PTN: variants seen among roughly 807,000 people sequenced by gnomAD.
PTN encodes pleiotrophin, also known as heparin affin regulatory protein.
A neutral mutation model predicts 24.1 loss-of-function variants in PTN; 18 were observed. That is an observed-to-expected ratio of 0.75 (90% CI 0.52 to 1.11). PTN has a LOEUF of 1.11. Ranked by LOEUF, PTN falls within the 50% of genes least tolerant of loss-of-function variation. The probability of loss-of-function intolerance (pLI) is 0.00; values close to 1 mark genes in which losing one functional copy is unlikely to be tolerated. For missense variants in PTN, 163 were observed against 198.8 expected (o/e 0.82, Z 1.08); for synonymous variants, 78 against 68.6 (o/e 1.14, Z -0.67).
chr7:137,293,321 A>C (rs530599277), intron 1 of PTN, among the ~76,000 whole-genome samples: 1 of 152,252 alleles, frequency 6.6e-6, no homozygotes, highest in East Asian at 1.9e-4. Flanking sequence ...CAGGTGATTG[A>C]AGCTAGTGTG....
chr7:137,301,783 T>C (rs1402038080), intron 1 of PTN, among the ~76,000 whole-genome samples: 4 of 151,940 alleles, frequency 2.6e-5, no homozygotes, highest in Non-Finnish European at 5.9e-5. Flanking sequence ...AAAAGCATGT[T>C]TTATCCTGTT....
At chr7:137,287,405 T>C (rs1809574191) in intron 1 of PTN, among the ~76,000 whole-genome samples, 1 of 152,158 alleles carries the variant, frequency 6.6e-6, no homozygotes, top group South Asian at 2.1e-4. Flanking sequence ...GGAGTTCCTT[T>C]CTGCTTAGGG....
intron 1 of PTN, among the ~76,000 whole-genome samples, chr7:137,317,301 G>A (rs181919015): frequency 1.3e-5 from 2 of 152,138 alleles, no homozygotes; most frequent in African/African-American, 4.8e-5. Flanking sequence ...ATCAGAATAT[G>A]ATTTTTAGGT....
chr7:137,303,083 T>C (rs190223639), intron 1 of PTN, among the ~76,000 whole-genome samples: 1 of 152,156 alleles, frequency 6.6e-6, no homozygotes, highest in East Asian at 1.9e-4. Context: ...CACTGTATTT[T>C]TCATTGTTGC....
At chr7:137,316,499 G>A (rs1262831613) in intron 1 of PTN, among the ~76,000 whole-genome samples, 1 of 152,170 alleles carries the variant, frequency 6.6e-6, no homozygotes, top group African/African-American at 2.4e-5. Context: ...TCTGTCAAGT[G>A]GTGTAATGGA....
intron 1 of PTN, among the ~76,000 whole-genome samples, chr7:137,269,017 C>A (rs921300909): frequency 2.6e-5 from 4 of 152,136 alleles, no homozygotes; most frequent in Non-Finnish European, 4.4e-5. Flanking sequence ...TTCAGAAATT[C>A]TTGAATTGGC....
intron 1 of PTN, among the ~76,000 whole-genome samples, chr7:137,298,759 C>CAGG (rs1675925902): frequency 6.6e-6 from 1 of 151,992 alleles, no homozygotes; most frequent in Non-Finnish European, 1.5e-5. Context: ...TTAGGGTTTC[C>CAGG]TGCCAGGAAT....
At chr7:137,249,921 T>C (rs775824940) in intron 4 of PTN, among the ~76,000 whole-genome samples, 5 of 152,162 alleles carry the variant, frequency 3.3e-5, no homozygotes, top group Non-Finnish European at 5.9e-5. Context: ...ACTCCAGCAG[T>C]GGCCAAAAAG....
intron 4 of PTN, among the ~76,000 whole-genome samples, chr7:137,244,544 C>T (rs1316141265): frequency 2.0e-5 from 3 of 151,642 alleles, no homozygotes; most frequent in African/African-American, 7.3e-5. Flanking sequence ...TCCCACCCCA[C>T]AACAAGCCCC....
intron 1 of PTN, among the ~76,000 whole-genome samples, chr7:137,303,751 A>C (rs1037524177): frequency 3.3e-5 from 5 of 152,054 alleles, no homozygotes; most frequent in Admixed American, 1.3e-4. Flanking sequence ...TAATTCGTTG[A>C]CTATTTCTAT....
chr7:137,250,772 C>G (rs1420821368), intron 4 of PTN, among the ~76,000 whole-genome samples: 1 of 152,080 alleles, frequency 6.6e-6, no homozygotes, highest in African/African-American at 2.4e-5. Context: ...AATGCAGAAC[C>G]CATTAAGTTA....
chr7:137,291,466 C>A (rs1159811887), intron 1 of PTN, among the ~76,000 whole-genome samples: 1 of 152,038 alleles, frequency 6.6e-6, no homozygotes, highest in African/African-American at 2.4e-5. Flanking sequence ...AAATGTAGAG[C>A]AAGGCTCACA....
At chr7:137,278,306 C>CAAAAAAAAAA (rs71176391) in intron 1 of PTN, among the ~76,000 whole-genome samples, 41 of 62,848 alleles carry the variant, frequency 6.5e-4, no homozygotes, top group South Asian at 2.6e-3. Context: ...GACTCCGTCT[C>CAAAAAAAAAA]AAAAAAAAAA....
At chr7:137,301,856 C>T (rs926004341) in intron 1 of PTN, among the ~76,000 whole-genome samples, 2 of 151,954 alleles carry the variant, frequency 1.3e-5, no homozygotes, top group African/African-American at 4.8e-5. Flanking sequence ...AGACTAAGAT[C>T]TAGCTAGGTA....
At chr7:137,254,783 G>A (rs1490449147) in intron 2 of PTN, 76 bp downstream of exon 2, 2 of 959,838 alleles carry the variant, frequency 2.1e-6, no homozygotes, top group African/African-American at 1.6e-5. Flanking sequence ...GTAGAAGAGA[G>A]GAAGGAAAAG....
intron 1 of PTN, among the ~76,000 whole-genome samples, chr7:137,311,387 T>C (rs1809980542): frequency 6.6e-6 from 1 of 152,250 alleles, no homozygotes; most frequent in African/African-American, 2.4e-5. Flanking sequence ...TTTATTCGTG[T>C]ATTTACTGGA....
intron 1 of PTN, among the ~76,000 whole-genome samples, chr7:137,302,664 T>C (rs1809824865): frequency 2.0e-5 from 3 of 152,006 alleles, no homozygotes; most frequent in Admixed American, 2.0e-4. Context: ...AGTGCTGTTA[T>C]TGTAGTGAAA....
Position 137,228,003 on chromosome 7 carries a change from T to A in PTN, c.*17A>T. The stretch of plus-strand genomic sequence containing the variant: ...CTGTTTGCTGATGTCCTTTTTATGT[T>A]CCACAGGTGACATCTTTTAATCCAG... On this transcript the variant is annotated 3_prime_UTR_variant, in exon 5 of 5. Transcript: ENST00000348225. 2 of 1,606,952 alleles carry A rather than the reference T, an allele frequency of 1.2e-6. No homozygotes were observed. Among genetic ancestry groups the A allele is most frequent in the Non-Finnish European group, 1.7e-6 (2 of 1,176,622 alleles).
chr7:137,268,697 A>G (rs1809209917), intron 1 of PTN, among the ~76,000 whole-genome samples: 1 of 152,226 alleles, frequency 6.6e-6, no homozygotes. Context: ...GGCTTAGGTC[A>G]GGCAGGCCCA....
Sources: gnomAD v4.1 joint callset for allele counts (sites outside exome capture counted in the v4.1 genomes callset) on GRCh38, gnomAD v4.1.1 for gene constraint, MANE v1.5 for transcripts, NCBI Gene and HGNC (gene_info 2026-07-23, HGNC 2026-07-21) for gene names.